The following MAOA variants were observed in gnomAD, a reference collection of about 807,000 sequenced individuals.
MAOA encodes the protein amine oxidase [flavin-containing] A.
MAOA carries 6 observed loss-of-function variants against 42.0 expected under a neutral mutation model. The observed-to-expected ratio is 0.14, with a 90% CI of 0.08 to 0.28. The LOEUF (loss-of-function observed/expected upper bound fraction) is 0.28. Ranked by LOEUF, MAOA falls within the 10% of genes least tolerant of loss-of-function variation. The pLI is 1.00. For synonymous variants in MAOA, 140 were observed against 154.0 expected (o/e 0.91, Z 0.67); for missense variants, 262 against 422.3 (o/e 0.62, Z 3.33).
At chrX:43,669,185 C>T (rs750235537) in intron 1 of MAOA, among the ~76,000 whole-genome samples, 4 of 105,602 alleles carry the variant, frequency 3.8e-5, no homozygotes, top group East Asian at 3.0e-4. Context: ...CTGAGGCGGG[C>T]GGATCATGAG....
At chrX:43,674,941 T>C (rs373772405) in intron 1 of MAOA, among the ~76,000 whole-genome samples, 15 of 110,600 alleles carry the variant, frequency 1.4e-4, no homozygotes, top group Admixed American at 6.7e-4. Context: ...TTGCTCTTCT[T>C]GAGGAGTATC....
At chrX:43,673,056 A>G (rs769767524) in intron 1 of MAOA, among the ~76,000 whole-genome samples, 95 of 110,283 alleles carry the variant, frequency 8.6e-4, no homozygotes, top group African/African-American at 2.9e-3. Context: ...TTGGCTGTGA[A>G]TCCATCTGGT....
chrX:43,683,464 G>A, intron 1 of MAOA, 49 bp from the exon 2 acceptor site: 2 of 935,883 alleles, frequency 2.1e-6, no homozygotes, highest in Non-Finnish European at 1.6e-6. Context: ...TTAAATCTTG[G>A]ATTTTAAGCA....
At chrX:43,667,822 T>C (rs2033295410) in intron 1 of MAOA, among the ~76,000 whole-genome samples, 1 of 112,128 alleles carries the variant, frequency 8.9e-6, no homozygotes, top group African/African-American at 3.2e-5. Context: ...TGTGCAAGTA[T>C]GAAGTATATA....
chrX:43,670,668 A>G (rs1457012841), intron 1 of MAOA, among the ~76,000 whole-genome samples: 1 of 93,965 alleles, frequency 1.1e-5, no homozygotes, highest in Non-Finnish European at 2.1e-5. Flanking sequence ...TCATTGTTCA[A>G]TTCACACCTA....
intron 10 of MAOA, among the ~76,000 whole-genome samples, chrX:43,739,470 A>C (rs887964943): frequency 1.2e-4 from 14 of 112,359 alleles, no homozygotes; most frequent in African/African-American, 4.5e-4. Context: ...AAAATGGTTT[A>C]AGTGTGAGGA....
At chrX:43,665,633 AC>A (rs1380442829) in intron 1 of MAOA, among the ~76,000 whole-genome samples, 1 of 112,002 alleles carries the variant, frequency 8.9e-6, no homozygotes, top group East Asian at 2.8e-4. Context: ...TGTCTAGACA[AC>A]CAGTCTGTTG....
At chrX:43,711,250 C>A (rs1428634228) in intron 3 of MAOA, among the ~76,000 whole-genome samples, 1 of 111,872 alleles carries the variant, frequency 8.9e-6, no homozygotes, top group Non-Finnish European at 1.9e-5. Flanking sequence ...GAGACAATTT[C>A]CCAGAAAGAA....
chrX:43,695,077 A>G (rs2033565907), intron 3 of MAOA, among the ~76,000 whole-genome samples: 1 of 112,196 alleles, frequency 8.9e-6, no homozygotes, highest in Non-Finnish European at 1.9e-5. Context: ...TGACAAGGCT[A>G]TAAAACTCCT....
upstream of MAOA, chrX:43,656,286 C>T (rs1454846051): frequency 5.5e-6 from 6 of 1,088,782 alleles, no homozygotes; most frequent in Non-Finnish European, 6.4e-6. Context: ...GGGTCCTTCC[C>T]ACCCTTTGCC....
chrX:43,688,810 G>A (rs2033509639), intron 2 of MAOA, among the ~76,000 whole-genome samples: 1 of 111,223 alleles, frequency 9.0e-6, no homozygotes, highest in Non-Finnish European at 1.9e-5. Context: ...CTTATCTTTG[G>A]TTCCTGTCAA....
At chrX:43,659,953 C>T (rs999120311) in intron 1 of MAOA, among the ~76,000 whole-genome samples, 18 of 111,013 alleles carry the variant, frequency 1.6e-4, no homozygotes, top group African/African-American at 5.2e-4. Context: ...GTAAGGGATA[C>T]GACTGCAATT....
chrX:43,716,041 T>G (rs1470913585), intron 5 of MAOA, among the ~76,000 whole-genome samples: 1 of 107,738 alleles, frequency 9.3e-6, no homozygotes, highest in African/African-American at 3.4e-5. Flanking sequence ...GGGGGTGACC[T>G]GAAGGGTAAA....
chrX:43,706,037 T>C (rs2033656855), intron 3 of MAOA, among the ~76,000 whole-genome samples: 1 of 112,250 alleles, frequency 8.9e-6, no homozygotes, highest in Admixed American at 9.5e-5. Context: ...GCAGCCACTT[T>C]GGAAAATAGT....
intron 5 of MAOA, among the ~76,000 whole-genome samples, chrX:43,722,942 G>C (rs2033802879): frequency 8.9e-6 from 1 of 111,848 alleles, no homozygotes; most frequent in Non-Finnish European, 1.9e-5. Flanking sequence ...ATTAAATAGG[G>C]AATCCTTTCC....
At chrX:43,718,236 C>T (rs753305189) in intron 5 of MAOA, among the ~76,000 whole-genome samples, 1 of 105,792 alleles carries the variant, frequency 9.5e-6, no homozygotes, top group African/African-American at 3.5e-5. Flanking sequence ...CAGGGGGAGA[C>T]AGGGTACATT....
intron 5 of MAOA, among the ~76,000 whole-genome samples, chrX:43,716,812 G>T (rs190103443): frequency 9.1e-6 from 1 of 110,452 alleles, no homozygotes; most frequent in Admixed American, 9.6e-5. Flanking sequence ...GCCAGAGGGG[G>T]TAGTGAGGAG....
At chrX:43,698,924 A>AT (rs1217954106) in intron 3 of MAOA, among the ~76,000 whole-genome samples, 2 of 111,589 alleles carry the variant, frequency 1.8e-5, no homozygotes, top group Non-Finnish European at 3.8e-5. Flanking sequence ...TCAGCTAGAT[A>AT]TTTTTACACT....
At chrX:43,710,019 G>C (rs1340963011) in intron 3 of MAOA, among the ~76,000 whole-genome samples, 1 of 112,464 alleles carries the variant, frequency 8.9e-6, no homozygotes, top group Non-Finnish European at 1.9e-5. Flanking sequence ...TAGGAGGCAG[G>C]AAAGCATGTT....
Sources: allele counts gnomAD v4.1 joint callset (sites outside exome capture counted in the v4.1 genomes callset), GRCh38; gene constraint gnomAD v4.1.1; transcripts MANE v1.5; gene names NCBI Gene and HGNC (gene_info 2026-07-23, HGNC 2026-07-21).